ZBTB20: variants seen among roughly 807,000 people sequenced by gnomAD.
The protein encoded by ZBTB20 is zinc finger and BTB domain containing 20.
A neutral mutation model predicts 56.9 loss-of-function variants in ZBTB20; 9 were observed. The ratio of observed to expected loss-of-function variants is 0.16; its 90% CI spans 0.10 to 0.28. The LOEUF (loss-of-function observed/expected upper bound fraction) is 0.28, where lower values mean the gene tolerates loss of function less well. Ranked by LOEUF, ZBTB20 falls within the 10% of genes least tolerant of loss-of-function variation. The probability of loss-of-function intolerance (pLI) is 1.00; values close to 1 mark genes in which losing one functional copy is unlikely to be tolerated. For missense variants in ZBTB20, 655 were observed against 1,003.0 expected (o/e 0.65, Z 4.69); for synonymous variants, 417 against 420.7 (o/e 0.99, Z 0.11).
chr3:114,983,807 C>T (rs1392431008), intron 2 of ZBTB20, among the ~76,000 whole-genome samples: 3 of 151,904 alleles, frequency 2.0e-5, no homozygotes, highest in African/African-American at 7.2e-5. Context: ...GTTTTAAATG[C>T]TTAGAAATTT....
chr3:114,784,012 C>T (rs935697448), intron 5 of ZBTB20, among the ~76,000 whole-genome samples: 4 of 152,086 alleles, frequency 2.6e-5, no homozygotes, highest in Non-Finnish European at 4.4e-5. Context: ...TAAAGTTGGT[C>T]TTTTCGTTGT....
chr3:114,460,727 T>C (rs1483186347), intron 7 of ZBTB20, among the ~76,000 whole-genome samples: 1 of 152,180 alleles, frequency 6.6e-6, no homozygotes, highest in Non-Finnish European at 1.5e-5. Context: ...GGTAATTTGT[T>C]ATAACAGCCA....
At chr3:115,141,098 C>T (rs984976535) in intron 1 of ZBTB20, among the ~76,000 whole-genome samples, 3 of 152,066 alleles carry the variant, frequency 2.0e-5, no homozygotes, top group African/African-American at 4.8e-5. Flanking sequence ...TCTTATATGA[C>T]ACCTTGAAAA....
At chr3:114,817,104 T>G (rs1053446578) in intron 4 of ZBTB20, among the ~76,000 whole-genome samples, 1 of 152,160 alleles carries the variant, frequency 6.6e-6, no homozygotes, top group Non-Finnish European at 1.5e-5. Flanking sequence ...CTGACACATT[T>G]GCTAAAAGAA....
chr3:114,895,362 G>A (rs1019585964), intron 4 of ZBTB20, among the ~76,000 whole-genome samples: 1 of 152,160 alleles, frequency 6.6e-6, no homozygotes, highest in Non-Finnish European at 1.5e-5. Flanking sequence ...GCAAGAGACT[G>A]CTTTTAAAGG....
intron 4 of ZBTB20, among the ~76,000 whole-genome samples, chr3:114,802,501 GACTA>G (rs2071789096): frequency 6.6e-6 from 1 of 151,788 alleles, no homozygotes; most frequent in Non-Finnish European, 1.5e-5. Context: ...CACTGACATT[GACTA>G]ACTAAACTTT....
intron 6 of ZBTB20, among the ~76,000 whole-genome samples, chr3:114,546,333 A>T (rs2049875838): frequency 6.6e-6 from 1 of 152,166 alleles, no homozygotes; most frequent in African/African-American, 2.4e-5. Flanking sequence ...CCTCTACCGA[A>T]TGGTGGACCT....
intron 1 of ZBTB20, among the ~76,000 whole-genome samples, chr3:115,135,758 C>T (rs1329203319): frequency 6.6e-6 from 1 of 152,100 alleles, no homozygotes; most frequent in Non-Finnish European, 1.5e-5. Flanking sequence ...ACCTTTTTTG[C>T]TTTCTAGAAG....
chr3:115,141,282 C>T (rs1324857052), intron 1 of ZBTB20, among the ~76,000 whole-genome samples: 1 of 152,140 alleles, frequency 6.6e-6, no homozygotes, highest in East Asian at 1.9e-4. Flanking sequence ...TCACATCACA[C>T]CATATTGTAC....
chr3:115,039,939 G>T (rs2081075073), intron 2 of ZBTB20, among the ~76,000 whole-genome samples: 1 of 151,982 alleles, frequency 6.6e-6, no homozygotes, highest in Non-Finnish European at 1.5e-5. Flanking sequence ...GCTGAGGATA[G>T]ATTTTAAATG....
chr3:114,450,682 T>G (rs915333708), intron 7 of ZBTB20, among the ~76,000 whole-genome samples: 4 of 152,134 alleles, frequency 2.6e-5, no homozygotes, highest in African/African-American at 9.7e-5. Context: ...ATATATTATA[T>G]GTAGATAAGA....
At chr3:115,007,345 TAA>T (rs769172291) in intron 2 of ZBTB20, among the ~76,000 whole-genome samples, 3 of 151,198 alleles carry the variant, frequency 2.0e-5, no homozygotes, top group Non-Finnish European at 4.4e-5. Context: ...TTTTCTGAAA[TAA>T]AAAAAAGAGA....
rs1376512930 is a variant in ZBTB20, at chr3:115,071,350, T to C, written c.-638A>G. The stretch of plus-strand genomic sequence containing the variant: ...CCCAGAATGAACTAATGTTGTAATG[T>C]AGACTGTGAGCAGAGATAAAATTCC... On this transcript the variant is annotated 5_prime_UTR_variant, in exon 2 of 12. Coordinates refer to ENST00000675478, the MANE Select transcript of ZBTB20 (RefSeq NM_001348800.3). 6.6e-6 allele frequency: 1 copy of C among 152,228 alleles called. No homozygotes were observed. The highest frequency in any genetic ancestry group is 1.9e-4 in the East Asian group (1 of 5,196). The allele number at this position is 152,228 out of a possible 1,614,324, so 9.4% of individuals were successfully genotyped here. A position where few individuals can be genotyped will look rare whatever the true frequency, so the allele number is the denominator to read the frequency against.
intron 7 of ZBTB20, among the ~76,000 whole-genome samples, chr3:114,396,076 C>G (rs1009376774): frequency 3.9e-5 from 6 of 151,920 alleles, no homozygotes; most frequent in Admixed American, 3.3e-4. Context: ...TGATGGGAAC[C>G]CCTCTATTAT....
intron 6 of ZBTB20, among the ~76,000 whole-genome samples, chr3:114,656,285 TG>T (rs2060402486): frequency 1.3e-5 from 2 of 152,244 alleles, no homozygotes; most frequent in Non-Finnish European, 2.9e-5. Context: ...CATATTTTTG[TG>T]TTTTTTCTCA....
intron 3 of ZBTB20, among the ~76,000 whole-genome samples, chr3:114,931,942 G>C (rs564152546): frequency 8.5e-4 from 130 of 152,292 alleles, no homozygotes; most frequent in Middle Eastern, 3.4e-3. Context: ...AGTGAGGTTC[G>C]AAAATCCTTA....
At chr3:114,377,434 G>A (rs925754781) in intron 10 of ZBTB20, among the ~76,000 whole-genome samples, 2 of 152,286 alleles carry the variant, frequency 1.3e-5, no homozygotes, top group East Asian at 1.9e-4. Flanking sequence ...AAGAGGCTCA[G>A]GAGGTTAAAC....
At chr3:114,517,560 G>A (rs960719796) in intron 6 of ZBTB20, among the ~76,000 whole-genome samples, 7 of 151,884 alleles carry the variant, frequency 4.6e-5, no homozygotes, top group East Asian at 1.9e-4. Flanking sequence ...TAGTCAGTTC[G>A]TCAGTCAATC....
intron 6 of ZBTB20, among the ~76,000 whole-genome samples, chr3:114,554,241 G>A (rs1013329178): frequency 4.6e-5 from 7 of 152,184 alleles, no homozygotes; most frequent in African/African-American, 1.7e-4. Flanking sequence ...ATTGAAGGCA[G>A]GGGAGGCCCT....
Sources: allele counts gnomAD v4.1 joint callset (sites outside exome capture counted in the v4.1 genomes callset), GRCh38; gene constraint gnomAD v4.1.1; transcripts MANE v1.5; gene names NCBI Gene and HGNC (gene_info 2026-07-23, HGNC 2026-07-21).